Variants in HEATR5B observed in about 807,000 individuals in gnomAD.
HEATR5B encodes HEAT repeat-containing protein 5B.
In HEATR5B, 156 loss-of-function variants were observed where a neutral mutation model predicts 224.1. The observed-to-expected ratio is 0.70, with a 90% CI of 0.61 to 0.80. The LOEUF is 0.80. Among genes scored for constraint, HEATR5B ranks in the 30% least tolerant of loss-of-function variants. The pLI is 0.00. For synonymous variants in HEATR5B, 1,027 were observed against 893.0 expected (o/e 1.15, Z -2.68); for missense variants, 2,323 against 2,535.5 (o/e 0.92, Z 1.80).
chr2:37,047,837 GAA>G (rs1670297895), intron 18 of HEATR5B, among the ~76,000 whole-genome samples: 1 of 152,150 alleles, frequency 6.6e-6, no homozygotes, highest in Non-Finnish European at 1.5e-5. Flanking sequence ...GTGAAAGACT[GAA>G]GTTTTTCCAA....
chr2:36,981,983 GT>G (rs1170753246), intron 35 of HEATR5B, among the ~76,000 whole-genome samples, 189 bp from the exon 36 acceptor site: 5 of 150,202 alleles, frequency 3.3e-5, no homozygotes, highest in African/African-American at 1.2e-4. Context: ...AACCAGGTTT[GT>G]TAATATTGTA....
intron 26 of HEATR5B, among the ~76,000 whole-genome samples, chr2:37,017,349 T>C (rs1668182777): frequency 6.8e-6 from 1 of 147,074 alleles, no homozygotes; most frequent in African/African-American, 2.6e-5. Context: ...GCTGAGATCA[T>C]GCCACTGCAC....
chr2:37,016,305 G>A (rs562592480), intron 26 of HEATR5B, among the ~76,000 whole-genome samples: 13 of 152,088 alleles, frequency 8.5e-5, no homozygotes, highest in African/African-American at 3.1e-4. Flanking sequence ...TAGAGACGGG[G>A]TTTCACCACG....
chr2:36,992,144 G>A (rs1394007327), intron 33 of HEATR5B, among the ~76,000 whole-genome samples: 10 of 152,168 alleles, frequency 6.6e-5, no homozygotes, highest in Non-Finnish European at 1.5e-4. Flanking sequence ...GTTGCAGTGA[G>A]CCAAGATTGC....
intron 2 of HEATR5B, 27 bp downstream of exon 2, chr2:37,083,262 A>G (rs1247335239): frequency 6.2e-7 from 1 of 1,613,102 alleles, no homozygotes; most frequent in Admixed American, 1.7e-5. Context: ...ACGTTAATGC[A>G]ACTGGGAAAA....
At chr2:37,009,768 C>A (rs1667671733) in intron 27 of HEATR5B, among the ~76,000 whole-genome samples, 1 of 151,362 alleles carries the variant, frequency 6.6e-6, no homozygotes, top group African/African-American at 2.4e-5. Flanking sequence ...TACAAAGCAC[C>A]CCCCGCCTCC....
chr2:37,062,244 C>T (rs928322207), intron 10 of HEATR5B, among the ~76,000 whole-genome samples, 194 bp from the exon 11 acceptor site: 1 of 151,894 alleles, frequency 6.6e-6, no homozygotes, highest in African/African-American at 2.4e-5. Context: ...CTGGGCAACA[C>T]GGTGAAACCC....
Position 37,040,468 on chromosome 2 carries a change from C to T in HEATR5B, c.2907G>A (p.Met969Ile). 1 of 1,613,848 alleles carries T rather than the reference C, an allele frequency of 6.2e-7. No homozygotes were observed. Among genetic ancestry groups the T allele is most frequent in the Non-Finnish European group, 8.5e-7 (1 of 1,179,892 alleles). ...ATGTTGGTTCCACATAGCCACGATA[C>T]ATCGGACCACTAGAATCCACTATCA... ...LALIVDSSGP[M>I]YRGYVEPTLS... is the part of the protein sequence containing the mutation. Residue 969 changes from methionine (M) to isoleucine (I), a missense_variant, in exon 20 of 36, where the codon ATG becomes ATA. Physicochemically the swap from Met to Ile is conservative, Grantham distance 10. Around this residue, in one of 12 missense-constraint regions of HEATR5B, gnomAD observed 44 missense variants for 39.0 expected, o/e 1.13. Transcript: ENST00000233099.
Position 37,056,463 on chromosome 2 carries a change from A to T in HEATR5B, c.2376T>A (p.Phe792Leu). 6.2e-7 allele frequency: 1 copy of T among 1,608,560 alleles called. No individual in the cohort carries two copies. Among genetic ancestry groups the T allele is most frequent in the South Asian group, 1.1e-5 (1 of 90,198 alleles). The part of the protein sequence containing the change: ...DASVALFGVV[F>L]PHVSYKHRLQ... ...ACCGGTGTTTATAAGAAACATGAGG[A>T]AACACTACACCAAAAAGGGCCACAG... The change falls in exon 16 of 36, where the codon TTT (phenylalanine) becomes TTA (leucine). Residue 792 changes from phenylalanine to leucine, a missense_variant. Phe to Leu is a conservative substitution (Grantham distance 22, BLOSUM62 0). This residue lies in a region of HEATR5B where 170 missense variants were observed against 216.7 expected (regional missense o/e 0.78). Coordinates refer to ENST00000233099, the MANE Select transcript of HEATR5B (RefSeq NM_019024.3).
chr2:37,060,776 T>C, intron 11 of HEATR5B, 43 bp from the exon 12 acceptor site: 5 of 1,534,752 alleles, frequency 3.3e-6, no homozygotes, highest in Non-Finnish European at 4.4e-6. Flanking sequence ...ATATGTAACA[T>C]ACCTTACAAA....
chr2:37,036,102 C>T (rs531286321), intron 21 of HEATR5B, among the ~76,000 whole-genome samples: 1 of 152,246 alleles, frequency 6.6e-6, no homozygotes, highest in Admixed American at 6.5e-5. Flanking sequence ...CATCTTCTTC[C>T]GAGAATACCG....
At chr2:37,029,267 T>G (rs1668967796) in intron 22 of HEATR5B, among the ~76,000 whole-genome samples, 1 of 152,246 alleles carries the variant, frequency 6.6e-6, no homozygotes, top group South Asian at 2.1e-4. Flanking sequence ...GTTAGAAGAA[T>G]AAATTGAAAC....
At chr2:37,000,913 T>C (rs1667050787) in intron 32 of HEATR5B, 100 bp from the exon 33 acceptor site, 2 of 766,604 alleles carry the variant, frequency 2.6e-6, no homozygotes, top group Non-Finnish European at 4.2e-6. Flanking sequence ...TGGTTTAATA[T>C]TGTTTTTTTC....
In HEATR5B at chr2:37,037,843, C is replaced by T. The variant is rs1669598758; in HGVS notation, c.3216+12G>A. 1.3e-6 allele frequency: 2 copies of T among 1,501,710 alleles called. No homozygotes were observed. The highest frequency in any genetic ancestry group is 2.2e-5 in the Admixed American group (1 of 46,150). The allele number at this position is 1,501,710 out of a possible 1,614,324, so 93.0% of individuals were successfully genotyped here. On this transcript the variant is annotated intron_variant, in intron 21 of 35. Coordinates refer to ENST00000233099, the MANE Select transcript of HEATR5B (RefSeq NM_019024.3). Reference sequence around the variant, plus strand: ...ACTTAAAAATCAATGAATGAAATAGCTCTATACTTACACAAAGGCTAGGAA... The same window carrying T: ...ACTTAAAAATCAATGAATGAAATAGTTCTATACTTACACAAAGGCTAGGAA...
intron 32 of HEATR5B, among the ~76,000 whole-genome samples, chr2:37,001,279 G>C (rs1403510914): frequency 6.6e-6 from 1 of 152,084 alleles, no homozygotes; most frequent in Non-Finnish European, 1.5e-5. Flanking sequence ...AAGGAAAGAA[G>C]AAATGAAATA....
chr2:36,996,512 G>A (rs1422334505), intron 33 of HEATR5B, among the ~76,000 whole-genome samples: 1 of 151,276 alleles, frequency 6.6e-6, no homozygotes, highest in Non-Finnish European at 1.5e-5. Flanking sequence ...TGCCTCCTGA[G>A]TTCAAGCAAT....
chr2:37,007,399 A>G lies in HEATR5B; in HGVS notation c.4523-95T>C, dbSNP rs1050307287. 8 of 1,336,138 alleles carry G rather than the reference A, an allele frequency of 6.0e-6. No homozygotes were observed. In the East Asian group the frequency reaches 2.1e-4, roughly 34 times the overall value. 82.8% of individuals were successfully genotyped at this position (1,336,138 alleles called of 1,614,324 possible). A position where few individuals can be genotyped will look rare whatever the true frequency, so the allele number is the denominator to read the frequency against. On this transcript the variant is annotated intron_variant, in intron 28 of 35. Coordinates refer to ENST00000233099, the MANE Select transcript of HEATR5B (RefSeq NM_019024.3). ...CGTTCTGTCGCCCAGGCTGGAGTGC[A>G]ATGGTGCGATCTTGGCTCACTGCAA...
At position 37,056,023 on chromosome 2, in the gene HEATR5B, T is replaced by A. The variant is rs544050439; in HGVS notation, c.2399+417A>T. ...TTAGTGATTGGAATTTTCATCCATT[T>A]ACTTCCTCAACAACAAAGTCAACAG... On this transcript the variant is annotated intron_variant, in intron 16 of 35. Transcript: ENST00000233099. Among the ~76,000 whole-genome samples the A allele has an allele frequency of 1.2e-4, 18 of 152,334 alleles. No homozygotes were observed. In the South Asian group the frequency reaches 2.3e-3, roughly 19 times the overall value.
intron 8 of HEATR5B, among the ~76,000 whole-genome samples, chr2:37,067,920 C>T (rs1558371083): frequency 2.0e-5 from 3 of 151,988 alleles, no homozygotes; most frequent in South Asian, 4.1e-4. Context: ...GATATTTATT[C>T]ATTAAATCCT....
Sources: allele counts gnomAD v4.1 joint callset (sites outside exome capture counted in the v4.1 genomes callset), GRCh38; gene constraint gnomAD v4.1.1; regional missense constraint gnomAD v4.1.1; transcripts MANE v1.5; gene names NCBI Gene and HGNC (gene_info 2026-07-23, HGNC 2026-07-21).